The following GMDS variants were observed in gnomAD, a reference collection of about 807,000 sequenced individuals.
GMDS encodes GDP-mannose 4,6 dehydratase.
GMDS carries 20 observed loss-of-function variants against 49.9 expected under a neutral mutation model. That is an observed-to-expected ratio of 0.40 (90% CI 0.28 to 0.58). The LOEUF (loss-of-function observed/expected upper bound fraction) is 0.58. Ranked by LOEUF, GMDS falls within the 20% of genes least tolerant of loss-of-function variation. The pLI, the probability that GMDS is intolerant of heterozygous loss-of-function variation, is 0.42. For synonymous variants in GMDS, 177 were observed against 178.6 expected (o/e 0.99, Z 0.07); for missense variants, 362 against 481.4 (o/e 0.75, Z 2.32).
At chr6:1,971,086 T>A (rs2628460) in intron 4 of GMDS, among the ~76,000 whole-genome samples, 1 of 151,626 alleles carries the variant, frequency 6.6e-6, no homozygotes, top group Non-Finnish European at 1.5e-5. Flanking sequence ...AAAGGAGAGA[T>A]AAATGCACCG....
At chr6:2,118,602 T>C (rs1774974438) in intron 2 of GMDS, among the ~76,000 whole-genome samples, 1 of 152,220 alleles carries the variant, frequency 6.6e-6, no homozygotes. Context: ...TCATTTTAAA[T>C]GGCATACATG....
intron 4 of GMDS, among the ~76,000 whole-genome samples, chr6:2,020,624 T>TA (rs1048111998): frequency 3.3e-5 from 5 of 152,048 alleles, no homozygotes; most frequent in Admixed American, 2.0e-4. Context: ...ATATTTTTTT[T>TA]AAAAAATCAA....
At chr6:2,013,197 A>G (rs1466471639) in intron 4 of GMDS, among the ~76,000 whole-genome samples, 10 of 152,250 alleles carry the variant, frequency 6.6e-5, no homozygotes, top group African/African-American at 2.2e-4. Flanking sequence ...TATTTAGGAA[A>G]TAGTTCTCAA....
chr6:1,920,460 A>G (rs1311834733), intron 7 of GMDS, among the ~76,000 whole-genome samples: 1 of 152,270 alleles, frequency 6.6e-6, no homozygotes, highest in Admixed American at 6.5e-5. Context: ...GGAAAGAGAC[A>G]GAGCAAGAGA....
intron 7 of GMDS, among the ~76,000 whole-genome samples, chr6:1,875,898 G>A (rs1581288042): frequency 6.6e-6 from 1 of 151,984 alleles, no homozygotes; most frequent in Admixed American, 6.6e-5. Context: ...GGTGGCACAT[G>A]GCTGTAATCC....
At chr6:2,058,118 G>C (rs1770885152) in intron 4 of GMDS, among the ~76,000 whole-genome samples, 1 of 152,128 alleles carries the variant, frequency 6.6e-6, no homozygotes, top group African/African-American at 2.4e-5. Context: ...CAGCACTTTG[G>C]AAGGCCAAGG....
At chr6:1,666,058 C>T (rs1017474032) in intron 9 of GMDS, among the ~76,000 whole-genome samples, 6 of 152,286 alleles carry the variant, frequency 3.9e-5, no homozygotes, top group South Asian at 4.2e-4. Flanking sequence ...GGAGTGACAA[C>T]GACACTTCCA....
chr6:1,801,553 G>A (rs1480279863), intron 7 of GMDS, among the ~76,000 whole-genome samples: 1 of 152,268 alleles, frequency 6.6e-6, no homozygotes, highest in Non-Finnish European at 1.5e-5. Flanking sequence ...CTCACATGAT[G>A]CATTCCCCAC....
intron 9 of GMDS, among the ~76,000 whole-genome samples, chr6:1,636,963 G>A (rs1763172717): frequency 6.6e-6 from 1 of 152,224 alleles, no homozygotes; most frequent in African/African-American, 2.4e-5. Context: ...CCCTCTCCAA[G>A]CTACTGCTTG....
Position 1,848,378 on chromosome 6 carries a change from A to C in GMDS, c.771+81725T>G, listed in dbSNP as rs185129597. 9.9e-5 allele frequency among the ~76,000 whole-genome samples: 15 copies of C among 152,220 alleles called. 1 individual carries two copies. The highest frequency in any genetic ancestry group is 8.5e-4 in the Admixed American group (13 of 15,292). ...GCTCAGCTCAGTTGGCAACTTCTCC[A>C]CAAAATCTCTATGGATTCCTGGCCT... On this transcript the variant is annotated intron_variant, in intron 7 of 10. Transcript: ENST00000380815.
intron 4 of GMDS, among the ~76,000 whole-genome samples, chr6:2,069,558 A>G (rs979170951): frequency 6.8e-4 from 104 of 152,124 alleles, no homozygotes; most frequent in Non-Finnish European, 1.1e-3. Context: ...AATGAACTCA[A>G]ACAAATTTAC....
At position 1,739,033 on chromosome 6, in the gene GMDS, C is replaced by G. The variant is rs1767156919; in HGVS notation, c.890+3435G>C. ...CCACTTGTGCTTAATTAAGTATTTA[C>G]AGAGCACCGTCAGCTGTTGAGAGCA... On this transcript the variant is annotated intron_variant, in intron 8 of 10. Coordinates refer to ENST00000380815, the MANE Select transcript of GMDS (RefSeq NM_001500.4). Among the ~76,000 whole-genome samples the G allele has an allele frequency of 2.0e-5, 3 of 152,242 alleles. No homozygotes were observed. The South Asian group carries it at 6.2e-4, about 31-fold the overall frequency.
At chr6:1,646,322 G>A (rs569318180) in intron 9 of GMDS, among the ~76,000 whole-genome samples, 2 of 152,260 alleles carry the variant, frequency 1.3e-5, no homozygotes, top group South Asian at 2.1e-4. Context: ...TCTGGGGTCC[G>A]TGCTCATTCC....
At chr6:2,115,188 G>A (rs1487088837) in intron 4 of GMDS, among the ~76,000 whole-genome samples, 1 of 152,122 alleles carries the variant, frequency 6.6e-6, no homozygotes, top group Admixed American at 6.5e-5. Context: ...CCTAAGGATG[G>A]GCCTGTGATG....
Position 1,833,257 on chromosome 6 carries a change from T to G in GMDS, c.772-90671A>C, listed in dbSNP as rs926927395. Among the ~76,000 whole-genome samples the G allele has an allele frequency of 3.4e-5, 5 of 148,204 alleles. No homozygotes were observed. Among genetic ancestry groups the G allele is most frequent in the Admixed American group, 6.8e-5 (1 of 14,680 alleles). ...TCCCGCTGGGCTTCAATGCCAAAAC[T>G]ACACGTGTCAGTGACTTCCAGAGAA... is the stretch of plus-strand genomic sequence containing the variant. On this transcript the variant is annotated intron_variant, in intron 7 of 10. Coordinates refer to ENST00000380815, the MANE Select transcript of GMDS (RefSeq NM_001500.4). The surrounding 1 kb of genome is among the most constrained non-coding windows in gnomAD (Gnocchi z 4.4).
intron 4 of GMDS, among the ~76,000 whole-genome samples, chr6:2,088,112 A>C (rs946032811): frequency 2.6e-5 from 4 of 152,304 alleles, no homozygotes; most frequent in South Asian, 2.1e-4. Flanking sequence ...GAAAGTAAAA[A>C]AAAAAAATGC....
chr6:2,059,866 G>C (rs1227336926), intron 4 of GMDS, among the ~76,000 whole-genome samples: 3 of 151,724 alleles, frequency 2.0e-5, no homozygotes, highest in African/African-American at 7.3e-5. Context: ...AATTTGCATA[G>C]TAATAAATAT....
intron 7 of GMDS, among the ~76,000 whole-genome samples, chr6:1,832,594 T>A (rs1045657909): frequency 6.6e-6 from 1 of 152,058 alleles, no homozygotes; most frequent in Admixed American, 6.5e-5. Context: ...ACTCACTGGA[T>A]GTTCAGGATG....
chr6:2,213,517 T>C (rs1780167003), intron 1 of GMDS, among the ~76,000 whole-genome samples: 1 of 152,204 alleles, frequency 6.6e-6, no homozygotes, highest in South Asian at 2.1e-4. Context: ...AAATTGATTT[T>C]GTCATAAAGG....
Sources: allele counts gnomAD v4.1 joint callset (sites outside exome capture counted in the v4.1 genomes callset), GRCh38; gene constraint gnomAD v4.1.1; non-coding constraint Gnocchi (gnomAD v3.1); transcripts MANE v1.5; gene names NCBI Gene and HGNC (gene_info 2026-07-23, HGNC 2026-07-21).